The following TLL2 variants were observed in gnomAD, a reference collection of about 807,000 sequenced individuals.
TLL2 encodes tolloid-like protein 2.
In TLL2, 106 loss-of-function variants were observed where a neutral mutation model predicts 123.0. The ratio of observed to expected loss-of-function variants is 0.86; its 90% confidence interval spans 0.74 to 1.01. The LOEUF is 1.01. Ranked by LOEUF, TLL2 falls within the 50% of genes least tolerant of loss-of-function variation. The pLI, the probability that TLL2 is intolerant of heterozygous loss-of-function variation, is 0.00. For missense variants in TLL2, 1,332 were observed against 1,336.7 expected (o/e 1.00, Z 0.06); for synonymous variants, 494 against 516.8 (o/e 0.96, Z 0.60).
chr10:96,445,633 C>T (rs1846891318), intron 3 of TLL2, among the ~76,000 whole-genome samples: 2 of 152,180 alleles, frequency 1.3e-5, no homozygotes, highest in Non-Finnish European at 2.9e-5. Flanking sequence ...TTATTTGCCC[C>T]TCCCAGGTCT....
intron 2 of TLL2, among the ~76,000 whole-genome samples, chr10:96,462,923 C>T (rs1847094136): frequency 6.6e-6 from 1 of 152,180 alleles, no homozygotes; most frequent in Admixed American, 6.5e-5. Context: ...ACAAGAAGGA[C>T]ACTTGTTTAC....
At chr10:96,395,128 C>T (rs1336348380) in intron 13 of TLL2, 59 bp downstream of exon 13, 4 of 1,517,884 alleles carry the variant, frequency 2.6e-6, no homozygotes, top group Non-Finnish European at 3.6e-6. Flanking sequence ...GTGTCTTAGG[C>T]CAGGGGGAGC....
chr10:96,460,897 G>A (rs1847075287), intron 2 of TLL2, among the ~76,000 whole-genome samples: 1 of 152,110 alleles, frequency 6.6e-6, no homozygotes, highest in African/African-American at 2.4e-5. Flanking sequence ...TATGAACCAG[G>A]AAGCAGGCGC....
intron 9 of TLL2, among the ~76,000 whole-genome samples, chr10:96,410,117 G>A (rs1261863554): frequency 6.6e-6 from 1 of 152,182 alleles, no homozygotes; most frequent in African/African-American, 2.4e-5. Flanking sequence ...AAGGTTGGAA[G>A]GAACTGTGAG....
At chr10:96,422,230 A>G (rs1320396799) in intron 6 of TLL2, among the ~76,000 whole-genome samples, 1 of 142,848 alleles carries the variant, frequency 7.0e-6, no homozygotes, top group African/African-American at 2.6e-5. Flanking sequence ...TTTTTGGCTT[A>G]TCAGCTCTGA....
In TLL2 at chr10:96,378,992, G is replaced by C; in HGVS notation, c.2295C>G (p.His765Gln). The change falls in exon 17 of 21, where the codon CAC becomes CAG. Residue 765 changes from histidine to glutamine, a missense_variant. Physicochemically the swap from His to Gln is conservative, Grantham distance 24. Transcript: ENST00000357947. ...LCRCRNGYWL[H>Q]ENGHDCKEAG... is the part of the protein sequence containing the mutation. ...CCTCTTTGCAGTCATGCCCATTCTCGTGGAGCCAGTAGCCGTTTCTGCACC... is the reference window on the plus strand; with the variant it reads ...CCTCTTTGCAGTCATGCCCATTCTCCTGGAGCCAGTAGCCGTTTCTGCACC... 6.2e-7 allele frequency: 1 copy of C among 1,614,186 alleles called. No individual in the cohort carries two copies. Among genetic ancestry groups the C allele is most frequent in the South Asian group, 1.1e-5 (1 of 91,088 alleles).
intron 2 of TLL2, among the ~76,000 whole-genome samples, chr10:96,452,743 G>A (rs193199867): frequency 7.9e-5 from 12 of 152,302 alleles, no homozygotes; most frequent in Admixed American, 5.2e-4. Flanking sequence ...CAAGCATCCC[G>A]GGGAAGGGCA....
rs74941195 is a variant in TLL2, at chr10:96,412,105, G to A, written c.1048+1087C>T. 5.2e-3 allele frequency among the ~76,000 whole-genome samples: 784 copies of A among 152,218 alleles called. 9 individuals are homozygous for A. Among genetic ancestry groups the A allele is most frequent in the African/African-American group, 0.018 (739 of 41,530 alleles). ...CCCAGGGTATGCTATAAGGTTTCCC[G>A]TTCAATTCAGCAAGGTTATATGATA... On this transcript the variant is annotated intron_variant, in intron 8 of 20. Transcript: ENST00000357947.
At chr10:96,393,730 CTTTTTTTTCT>C (rs140721151) in intron 13 of TLL2, among the ~76,000 whole-genome samples, 59,831 of 137,894 alleles carry the variant, frequency 0.43, 12,641 homozygotes, top group East Asian at 0.67. Context: ...CTTTTTTTTT[CTTTTTTTTCT>C]TTTTTTTTTT....
chr10:96,449,657 CACTGATGAG>C (rs1846935885), intron 2 of TLL2, among the ~76,000 whole-genome samples: 1 of 152,104 alleles, frequency 6.6e-6, no homozygotes. Context: ...CTCCTAACAC[CACTGATGAG>C]ACCCTTAGTG....
In TLL2 at chr10:96,480,418, T is replaced by C. The variant is rs1289177379; in HGVS notation, c.217A>G (p.Lys73Glu). The change falls in exon 2 of 21, where the codon AAG (lysine) becomes GAG (glutamate). Residue 73 changes from lysine (K) to glutamate (E), a missense_variant. Coordinates refer to ENST00000357947, the MANE Select transcript of TLL2 (RefSeq NM_012465.4). The stretch of plus-strand genomic sequence containing the variant: ...CTGGCTTTGTCAATGTGAAACAGCT[T>C]CAAGTCATCTTCATCTAAGGCAATG... ...GDIALDEDDL[K>E]LFHIDKARDW... The C allele has an allele frequency of 6.2e-7, 1 of 1,614,062 alleles. No homozygotes were observed. Among genetic ancestry groups the C allele is most frequent in the Non-Finnish European group, 8.5e-7 (1 of 1,180,036 alleles).
intron 10 of TLL2, 31 bp from the exon 11 acceptor site, chr10:96,397,333 C>T: frequency 1.3e-6 from 2 of 1,570,960 alleles, no homozygotes; most frequent in Non-Finnish European, 1.7e-6. Context: ...CAGTTAGGAG[C>T]CCTGGGGACA....
chr10:96,478,450 T>C (rs1847280442), intron 2 of TLL2, among the ~76,000 whole-genome samples: 1 of 152,248 alleles, frequency 6.6e-6, no homozygotes, highest in Non-Finnish European at 1.5e-5. Flanking sequence ...CTGAACTGTG[T>C]GTGCCCTATG....
intron 1 of TLL2, among the ~76,000 whole-genome samples, chr10:96,510,793 C>T (rs1847621461): frequency 6.6e-6 from 1 of 152,206 alleles, no homozygotes; most frequent in Non-Finnish European, 1.5e-5. Context: ...AGATCATAGA[C>T]TCATAGAACA....
chr10:96,443,092 T>C (rs2134085870), intron 3 of TLL2, among the ~76,000 whole-genome samples: 1 of 152,242 alleles, frequency 6.6e-6, no homozygotes, highest in South Asian at 2.1e-4. Flanking sequence ...CTAGTAAATA[T>C]CAAAAACTCT....
intron 3 of TLL2, among the ~76,000 whole-genome samples, chr10:96,445,540 C>G (rs564704534): frequency 6.6e-6 from 1 of 152,210 alleles, no homozygotes; most frequent in African/African-American, 2.4e-5. Flanking sequence ...ACACCTCCCC[C>G]ACAATCCCCA....
chr10:96,421,858 A>AAAAC (rs564437731), intron 6 of TLL2, among the ~76,000 whole-genome samples: 2 of 151,332 alleles, frequency 1.3e-5, no homozygotes, highest in African/African-American at 4.9e-5. Context: ...CAAAAAAAAC[A>AAAAC]AAACAAACAA....
At chr10:96,401,372 C>T (rs1291567790) in intron 10 of TLL2, among the ~76,000 whole-genome samples, 1 of 152,160 alleles carries the variant, frequency 6.6e-6, no homozygotes, top group Non-Finnish European at 1.5e-5. Context: ...GGGACCAGCT[C>T]GGCCGACACA....
In TLL2 at chr10:96,473,845, CAG is replaced by C. The variant is rs535017312; in HGVS notation, c.286+6502_286+6503del. 6.4e-3 allele frequency among the ~76,000 whole-genome samples: 978 copies of C among 152,262 alleles called. 7 individuals are homozygous for C. The highest frequency in any genetic ancestry group is 8.9e-3 in the Non-Finnish European group (605 of 68,012). On this transcript the variant is annotated intron_variant, in intron 2 of 20. Coordinates refer to ENST00000357947, the MANE Select transcript of TLL2 (RefSeq NM_012465.4). Reference sequence around the variant, plus strand: ...ACTCTTTGGGGAACAAACAAACAAACAGAAAGTTCAAAGCATCAGCCACACAG... The same window carrying C: ...ACTCTTTGGGGAACAAACAAACAAACAAAGTTCAAAGCATCAGCCACACAG...
Sources: gnomAD v4.1 joint callset for allele counts (sites outside exome capture counted in the v4.1 genomes callset) on GRCh38, gnomAD v4.1.1 for gene constraint, MANE v1.5 for transcripts, NCBI Gene and HGNC (gene_info 2026-07-23, HGNC 2026-07-21) for gene names.